Variants in PICALM observed in about 807,000 individuals in gnomAD.
PICALM encodes phosphatidylinositol-binding clathrin assembly protein.
A neutral mutation model predicts 80.5 loss-of-function variants in PICALM; 40 were observed. The observed-to-expected ratio is 0.50, with a 90% CI of 0.39 to 0.65. The LOEUF is 0.65. Among genes scored for constraint, PICALM ranks in the 30% least tolerant of loss-of-function variants. The probability of loss-of-function intolerance (pLI) is 0.00; values close to 1 mark genes in which losing one functional copy is unlikely to be tolerated. For synonymous variants in PICALM, 288 were observed against 260.3 expected (o/e 1.11, Z -1.02); for missense variants, 676 against 778.9 (o/e 0.87, Z 1.57).
chr11:85,977,631 C>T (rs986996664), intron 17 of PICALM, among the ~76,000 whole-genome samples: 3 of 152,132 alleles, frequency 2.0e-5, no homozygotes, highest in African/African-American at 4.8e-5. Context: ...GTTTAGTATT[C>T]GGGTGAGCGT....
intron 4 of PICALM, among the ~76,000 whole-genome samples, chr11:86,020,622 T>C (rs887903823): frequency 5.3e-5 from 8 of 152,100 alleles, no homozygotes; most frequent in Admixed American, 3.3e-4. Flanking sequence ...ACTAAGACTA[T>C]CCAATGGGGA....
intron 4 of PICALM, among the ~76,000 whole-genome samples, chr11:86,020,661 G>A (rs2095549327): frequency 6.6e-6 from 1 of 152,078 alleles, no homozygotes. Flanking sequence ...AAATGTTGCT[G>A]GGATAACTCA....
At chr11:86,006,315 C>A (rs966958503) in intron 8 of PICALM, among the ~76,000 whole-genome samples, 1 of 152,130 alleles carries the variant, frequency 6.6e-6, no homozygotes, top group Non-Finnish European at 1.5e-5. Context: ...CAAGTGAGTA[C>A]AGAGAAACTC....
At chr11:86,043,458 T>C (rs753484201) in intron 1 of PICALM, among the ~76,000 whole-genome samples, 1 of 152,194 alleles carries the variant, frequency 6.6e-6, no homozygotes, top group Non-Finnish European at 1.5e-5. Flanking sequence ...TTAGAGACAT[T>C]AGAATTTTTC....
At chr11:86,032,730 T>C (rs1207263181) in intron 1 of PICALM, among the ~76,000 whole-genome samples, 2 of 152,170 alleles carry the variant, frequency 1.3e-5, no homozygotes, top group African/African-American at 4.8e-5. Flanking sequence ...TGTATAAATG[T>C]CTCAGCTATA....
rs909478546 is a variant in PICALM at position 86,068,596 on chromosome 11, C to T, written c.130+55G>A. 7 of 1,547,792 alleles carry T rather than the reference C, an allele frequency of 4.5e-6. No homozygotes were observed. The Admixed American group carries it at 1.1e-4, about 25-fold the overall frequency. ...GAAAGACAAGAGAGAGAGAGAAGGACGCGCGCGGGTCGCGCGGGCGCCGGG... is the reference window on the plus strand; with the variant it reads ...GAAAGACAAGAGAGAGAGAGAAGGATGCGCGCGGGTCGCGCGGGCGCCGGG... On this transcript the variant is annotated intron_variant, in intron 1 of 19. Coordinates refer to ENST00000393346, the MANE Select transcript of PICALM (RefSeq NM_007166.4).
chr11:85,960,325 T>C (rs528316898), intron 19 of PICALM, among the ~76,000 whole-genome samples: 2 of 152,318 alleles, frequency 1.3e-5, no homozygotes, highest in African/African-American at 4.8e-5. Context: ...AATTACACTG[T>C]CTTCCAGCAA....
chr11:86,065,784 C>CA (rs1240312584), intron 1 of PICALM, among the ~76,000 whole-genome samples: 3 of 151,884 alleles, frequency 2.0e-5, no homozygotes, highest in Non-Finnish European at 2.9e-5. Context: ...ATAAGCAAAG[C>CA]AAAAAAATCT....
At chr11:85,962,854 C>G (rs1592277210) in intron 19 of PICALM, among the ~76,000 whole-genome samples, 1 of 152,218 alleles carries the variant, frequency 6.6e-6, no homozygotes, top group African/African-American at 2.4e-5. Flanking sequence ...GTGGGACATA[C>G]AGCAGCCCCT....
chr11:85,996,992 C>T, intron 11 of PICALM, 63 bp from the exon 12 acceptor site: 1 of 872,268 alleles, frequency 1.1e-6, no homozygotes, highest in Non-Finnish European at 1.9e-6. Flanking sequence ...TTAGTGTCAC[C>T]TTCTCCACCC....
At chr11:85,993,181 T>C (rs1009846563) in intron 12 of PICALM, among the ~76,000 whole-genome samples, 2 of 151,962 alleles carry the variant, frequency 1.3e-5, no homozygotes, top group Non-Finnish European at 2.9e-5. Flanking sequence ...GACCTTTCTG[T>C]GCTCAAGCAA....
At chr11:86,021,890 T>C in intron 4 of PICALM, among the ~76,000 whole-genome samples, 1 of 152,228 alleles carries the variant, frequency 6.6e-6, no homozygotes. Flanking sequence ...ACATGGATGC[T>C]ATAACTTGGA....
chr11:86,041,750 A>G (rs924868466), intron 1 of PICALM, among the ~76,000 whole-genome samples: 1 of 152,208 alleles, frequency 6.6e-6, no homozygotes, highest in Admixed American at 6.5e-5. Context: ...TCAACACTGA[A>G]AACACATTTT....
At chr11:86,023,534 C>T (rs1291039406) in intron 3 of PICALM, 1 of 984,808 alleles carries the variant, frequency 1.0e-6, no homozygotes. Flanking sequence ...CAAGGCTCAA[C>T]CTCTCGTCTA....
intron 13 of PICALM, among the ~76,000 whole-genome samples, chr11:85,988,405 T>G (rs899437447): frequency 2.8e-4 from 43 of 152,098 alleles, no homozygotes; most frequent in African/African-American, 1.0e-3. Context: ...CTTACCAAGT[T>G]TATAAAAACT....
At chr11:85,997,547 T>C (rs1386008877) in intron 11 of PICALM, among the ~76,000 whole-genome samples, 1 of 152,236 alleles carries the variant, frequency 6.6e-6, no homozygotes, top group South Asian at 2.1e-4. Flanking sequence ...CTTGGCTCAC[T>C]GTAACCTCTG....
chr11:86,026,673 A>G (rs1026286736), intron 2 of PICALM, among the ~76,000 whole-genome samples: 2 of 152,192 alleles, frequency 1.3e-5, no homozygotes, highest in Non-Finnish European at 2.9e-5. Flanking sequence ...ATAGCTAATC[A>G]TTTTTAGGTG....
intron 1 of PICALM, among the ~76,000 whole-genome samples, chr11:86,046,322 T>C (rs935074619): frequency 3.3e-5 from 5 of 152,230 alleles, no homozygotes; most frequent in African/African-American, 9.6e-5. Context: ...TCGAGATTCA[T>C]GATTCACCAT....
At chr11:86,060,529 T>C (rs1245225634) in intron 1 of PICALM, among the ~76,000 whole-genome samples, 1 of 152,046 alleles carries the variant, frequency 6.6e-6, no homozygotes, top group Non-Finnish European at 1.5e-5. Context: ...CAGTGGTTCT[T>C]GAAAGAATAA....
Sources: gnomAD v4.1 joint callset for allele counts (sites outside exome capture counted in the v4.1 genomes callset) on GRCh38, gnomAD v4.1.1 for gene constraint, MANE v1.5 for transcripts, NCBI Gene and HGNC (gene_info 2026-07-23, HGNC 2026-07-21) for gene names.